Variants in ATP8B3 observed in about 807,000 individuals in gnomAD.
ATP8B3 encodes phospholipid-transporting ATPase IK.
ATP8B3 carries 141 observed loss-of-function variants against 140.9 expected under a neutral mutation model. That is an observed-to-expected ratio of 1.00 (90% CI 0.87 to 1.15). The LOEUF is 1.15. Among genes scored for constraint, ATP8B3 ranks in the 50% most tolerant of loss-of-function variants. The pLI is 0.00. For missense variants in ATP8B3, 1,874 were observed against 1,740.6 expected (o/e 1.08, Z -1.36); for synonymous variants, 765 against 714.6 (o/e 1.07, Z -1.13).
At position 1,783,220 on chromosome 19, in the gene ATP8B3, G is replaced by A; in HGVS notation, c.3711C>T (p.Pro1237=). 6.2e-7 allele frequency: 1 copy of A among 1,612,096 alleles called. No individual in the cohort carries two copies. Among genetic ancestry groups the A allele is most frequent in the Non-Finnish European group, 8.5e-7 (1 of 1,179,160 alleles). Residue 1237 remains proline (P), a synonymous_variant, in exon 29 of 29, where the codon CCC becomes CCT. Coordinates refer to ENST00000310127, the MANE Select transcript of ATP8B3 (RefSeq NM_138813.4). The part of the protein sequence containing the change: ...GPSEEIFTME[P]LPHVHRESRA... ...GAGACTCCCGGTGTACATGAGGCAA[G>A]GGCTCCATGGTGAAAATCTCCTCGC...
At chr19:1,801,413 C>T (rs907944220) in intron 12 of ATP8B3, among the ~76,000 whole-genome samples, 1 of 152,052 alleles carries the variant, frequency 6.6e-6, no homozygotes, top group Admixed American at 6.5e-5. Context: ...GGCCCCAGAA[C>T]GTGCTGGGAT....
intron 27 of ATP8B3, 33 bp from the exon 28 acceptor site, chr19:1,784,979 C>T (rs769527335): frequency 5.7e-6 from 9 of 1,582,384 alleles, no homozygotes; most frequent in Admixed American, 5.3e-5. Flanking sequence ...GCAGAGCCTA[C>T]CCCCAGCTCC....
rs370873973 is a variant in ATP8B3, at chr19:1,799,956, G to A, written c.1543C>T (p.Arg515Cys). The change falls in exon 14 of 29, where the codon CGC becomes TGC. Residue 515 changes from arginine to cysteine, a missense_variant. By Grantham distance (180) the Arg-to-Cys change is radical. Around this residue, in one of 3 missense-constraint regions of ATP8B3, gnomAD observed 1,032 missense variants for 963.6 expected, o/e 1.07. Transcript: ENST00000310127. ...LTFNKCCISGRVYGPDSEATT... is the reference protein window; with the variant it reads ...LTFNKCCISGCVYGPDSEATT... ...GGTGTCGGGGCCGCACCATAGACGC[G>A]GCCGCTGATGCAGCACTTGTTGAAG... 65 of 1,596,420 alleles carry A rather than the reference G, an allele frequency of 4.1e-5. No homozygotes were observed. The highest frequency in any genetic ancestry group is 2.6e-4 in the South Asian group (23 of 88,206).
intron 4 of ATP8B3, 45 bp downstream of exon 4, chr19:1,809,598 A>C: frequency 6.6e-7 from 1 of 1,517,094 alleles, no homozygotes; most frequent in Non-Finnish European, 9.0e-7. Context: ...CGAGGGTACC[A>C]CGGCAGCTCC....
At chr19:1,808,615 A>C (rs2069099873) in intron 4 of ATP8B3, among the ~76,000 whole-genome samples, 1 of 152,198 alleles carries the variant, frequency 6.6e-6, no homozygotes, top group Admixed American at 6.5e-5. Context: ...GCATTTACTG[A>C]GCACCTGCTC....
intron 20 of ATP8B3, 56 bp from the exon 21 acceptor site, chr19:1,790,888 G>A (rs1385457236): frequency 3.4e-6 from 5 of 1,486,058 alleles, no homozygotes; most frequent in Non-Finnish European, 4.6e-6. Context: ...GGCTGCCTGG[G>A]GGCCACGCCC....
chr19:1,784,752 T>G (rs2068248232), intron 28 of ATP8B3, 67 bp downstream of exon 28: 3 of 1,512,378 alleles, frequency 2.0e-6, no homozygotes, highest in Admixed American at 2.1e-5. Flanking sequence ...CCCTACGCCC[T>G]GCACGGCTCC....
In ATP8B3 at chr19:1,794,453, C is replaced by T. The variant is rs1420961874; in HGVS notation, c.2055+1422G>A. 3.3e-5 allele frequency among the ~76,000 whole-genome samples: 5 copies of T among 151,966 alleles called. No homozygotes were observed. Among genetic ancestry groups the T allele is most frequent in the African/African-American group, 4.8e-5 (2 of 41,366 alleles). ...ACAGGACATCTTCCCACACACACCC[C>T]GCTGCCCTGTGCTCCATGCTGCTGG... On this transcript the variant is annotated intron_variant, in intron 18 of 28. Coordinates refer to ENST00000310127, the MANE Select transcript of ATP8B3 (RefSeq NM_138813.4). The surrounding 1 kb of genome is among the most constrained non-coding windows in gnomAD (Gnocchi z 4.8).
rs961283935 is a variant in ATP8B3, at chr19:1,790,650, C to G, written c.2378+107G>C. 6.5e-4 allele frequency: 550 copies of G among 841,358 alleles called. 1 individual carries two copies. Among genetic ancestry groups the G allele is most frequent in the Non-Finnish European group, 8.8e-4 (508 of 578,208 alleles). The allele number at this position is 841,358 out of a possible 1,614,324, so 52.1% of individuals were successfully genotyped here. The stretch of plus-strand genomic sequence containing the variant: ...CCTTCCCTCCCCTCTCAATCCCCCC[C>G]TTCCCACTGTGCCTTGGGCTCCCCG... On this transcript the variant is annotated intron_variant, in intron 21 of 28. Transcript: ENST00000310127.
At chr19:1,792,255 C>T in intron 18 of ATP8B3, 120 bp from the exon 19 acceptor site, 2 of 1,175,188 alleles carry the variant, frequency 1.7e-6, no homozygotes, top group Non-Finnish European at 1.2e-6. Context: ...CTGTTGCCTC[C>T]CCAGCCAACA....
Position 1,790,815 on chromosome 19 carries a change from C to G in ATP8B3, c.2320G>C (p.Gly774Arg). 1 of 1,603,108 alleles carries G rather than the reference C, an allele frequency of 6.2e-7. No homozygotes were observed. Among genetic ancestry groups the G allele is most frequent in the African/African-American group, 1.3e-5 (1 of 74,758 alleles). Residue 774 changes from glycine to arginine, a missense_variant, in exon 21 of 29, where the codon GGC (glycine) becomes CGC (arginine). Physicochemically the swap from Gly to Arg is moderately radical, Grantham distance 125. Transcript: ENST00000310127. ...TCTGACAGCAGCTCGCAGGCGAAGC[C>G]GATGTTCACAGCCGTTTCTGCGAAG... The part of the protein sequence containing the change: ...GDKQETAVNI[G>R]FACELLSENM...
In ATP8B3 at chr19:1,796,782, A is replaced by G; in HGVS notation, c.1682T>C (p.Val561Ala). The G allele has an allele frequency of 6.2e-7, 1 of 1,612,376 alleles. No homozygotes were observed. Among genetic ancestry groups the G allele is most frequent in the African/African-American group, 1.3e-5 (1 of 75,016 alleles). ...GGCCAGCAGGCGCCAGAACTCCCGC[A>G]CGGCCTCGTCCCCGTTGGTCCGCAC... ...HLVRTNGDEAVREFWRLLAIC... is the reference protein window; with the variant it reads ...HLVRTNGDEAAREFWRLLAIC... The change falls in exon 16 of 29, where the codon GTG (valine) becomes GCG (alanine). Residue 561 changes from valine to alanine, a missense_variant. Physicochemically the swap from Val to Ala is moderately conservative, Grantham distance 64. Around this residue, in one of 3 missense-constraint regions of ATP8B3, gnomAD observed 1,032 missense variants for 963.6 expected, o/e 1.07. Transcript: ENST00000310127.
At position 1,800,102 on chromosome 19, in the gene ATP8B3, A is replaced by G. The variant is rs368842153; in HGVS notation, c.1397T>C (p.Met466Thr). 171 of 1,569,374 alleles carry G rather than the reference A, an allele frequency of 1.1e-4. No individual in the cohort carries two copies. The highest frequency in any genetic ancestry group is 2.5e-4 in the Admixed American group (13 of 52,818). ...NSVFIDWDVQ[M>T]YYKPQDVPAK... ...AGGCACGTCCTGCGGCTTGTAGTAC[A>G]TCTGCACGTCCCAGTCGATGAAGAC... Residue 466 changes from methionine (M) to threonine (T), a missense_variant, in exon 14 of 29, where the codon ATG becomes ACG. Met to Thr is a moderately conservative substitution (Grantham distance 81). This residue lies in a region of ATP8B3 where 1,032 missense variants were observed against 963.6 expected (regional missense o/e 1.07). Transcript: ENST00000310127. The surrounding 1 kb of genome is among the most constrained non-coding windows in gnomAD (Gnocchi z 4.4).
In ATP8B3 at chr19:1,807,162, A is replaced by AC. The variant is rs1568659960; in HGVS notation, c.615+5dup. On this transcript the variant is annotated splice_donor_region_variant and intron_variant, in intron 6 of 28. Transcript: ENST00000310127. This position sits in a 1 kb window ranked among gnomAD's most constrained non-coding sequence, Gnocchi z 5.9. Reference sequence around the variant, plus strand: ...CCCCCAGGCAGCTGCATCCAACAGCACTCACCATGTCGTCCACCAGGTCCC... The same window carrying AC: ...CCCCCAGGCAGCTGCATCCAACAGCACCTCACCATGTCGTCCACCAGGTCCC... 2 of 1,609,052 alleles carry AC rather than the reference A, an allele frequency of 1.2e-6. No individual in the cohort carries two copies. The highest frequency in any genetic ancestry group is 1.7e-5 in the Admixed American group (1 of 59,858).
rs191773365 is a variant in ATP8B3 at position 1,807,430 on chromosome 19, C to T, written c.517-164G>A. On this transcript the variant is annotated intron_variant, in intron 5 of 28. Transcript: ENST00000310127. The surrounding 1 kb of genome is among the most constrained non-coding windows in gnomAD (Gnocchi z 5.9). Reference sequence around the variant, plus strand: ...TGCAACCCCCAGCCCTCGGGACAAACGCCCCGGCATCCCTCCACCTGCCTG... The same window carrying T: ...TGCAACCCCCAGCCCTCGGGACAAATGCCCCGGCATCCCTCCACCTGCCTG... 3.7e-4 allele frequency among the ~76,000 whole-genome samples: 57 copies of T among 152,172 alleles called. No homozygotes were observed. Among genetic ancestry groups the T allele is most frequent in the Non-Finnish European group, 7.1e-4 (48 of 67,994 alleles).
At chr19:1,799,467 A>G (rs1158363539) in intron 14 of ATP8B3, 5 of 175,528 alleles carry the variant, frequency 2.8e-5, no homozygotes, top group East Asian at 1.3e-4. Context: ...CTCAGAGAGA[A>G]AAAAAAAAAA....
At chr19:1,798,322 TA>T (rs2068742171) in intron 14 of ATP8B3, among the ~76,000 whole-genome samples, 1 of 152,074 alleles carries the variant, frequency 6.6e-6, no homozygotes, top group Admixed American at 6.5e-5. Flanking sequence ...GCCCTGGTTA[TA>T]AATTAGACCC....
chr19:1,799,582 A>G, intron 14 of ATP8B3: 2 of 453,938 alleles, frequency 4.4e-6, no homozygotes, highest in Non-Finnish European at 7.7e-6. Flanking sequence ...CATGGCCAAC[A>G]TGGTGAAACC....
At chr19:1,799,923 G>C (rs376030071) in intron 14 of ATP8B3, 24 bp downstream of exon 14, 17 of 1,570,480 alleles carry the variant, frequency 1.1e-5, no homozygotes. Context: ...GACCCAGCTG[G>C]GAGCTCAGGT....
Sources: allele counts gnomAD v4.1 joint callset (sites outside exome capture counted in the v4.1 genomes callset), GRCh38; gene constraint gnomAD v4.1.1; regional missense constraint gnomAD v4.1.1; non-coding constraint Gnocchi (gnomAD v3.1); transcripts MANE v1.5; gene names NCBI Gene and HGNC (gene_info 2026-07-23, HGNC 2026-07-21).